The following RASGRF2 variants were observed in gnomAD, a reference collection of about 807,000 sequenced individuals.
The protein encoded by RASGRF2 is ras-specific guanine nucleotide-releasing factor 2.
A neutral mutation model predicts 151.0 loss-of-function variants in RASGRF2; 76 were observed. The ratio of observed to expected loss-of-function variants is 0.50; its 90% CI spans 0.42 to 0.61. The LOEUF (loss-of-function observed/expected upper bound fraction) is 0.61. Ranked by LOEUF, RASGRF2 falls within the 20% of genes least tolerant of loss-of-function variation. RASGRF2 has a pLI of 0.00. For synonymous variants in RASGRF2, 504 were observed against 566.5 expected, an observed-to-expected ratio of 0.89 and a Z score of 1.57; for missense variants, 1,148 against 1,564.6, an observed-to-expected ratio of 0.73 and a Z score of 4.49.
At chr5:81,021,745 A>G (rs893651270) in intron 1 of RASGRF2, among the ~76,000 whole-genome samples, 2 of 152,182 alleles carry the variant, frequency 1.3e-5, no homozygotes, top group Admixed American at 6.5e-5. Flanking sequence ...ACAGTGAGTC[A>G]GTGTTCCAGG....
chr5:81,128,473 G>A (rs939397355), intron 17 of RASGRF2, among the ~76,000 whole-genome samples: 1 of 152,230 alleles, frequency 6.6e-6, no homozygotes, highest in African/African-American at 2.4e-5. Context: ...GTGGGTTACA[G>A]CTCTGAGAAA....
At chr5:81,054,908 C>G (rs539586555) in intron 2 of RASGRF2, among the ~76,000 whole-genome samples, 2,684 of 151,968 alleles carry the variant, frequency 0.018, 58 homozygotes, top group African/African-American at 0.06. Context: ...GGAGTTCACT[C>G]ATGATTTGGC....
intron 5 of RASGRF2, among the ~76,000 whole-genome samples, chr5:81,077,747 G>A (rs1419102569): frequency 1.3e-5 from 2 of 152,186 alleles, no homozygotes; most frequent in African/African-American, 4.8e-5. Context: ...CTCTGATAAT[G>A]AGAGGAACTG....
chr5:81,037,795 A>T (rs892115033), intron 1 of RASGRF2, among the ~76,000 whole-genome samples: 1 of 152,202 alleles, frequency 6.6e-6, no homozygotes, highest in Non-Finnish European at 1.5e-5. Flanking sequence ...AAGAAGAAAA[A>T]TTCAGTTGAA....
intron 4 of RASGRF2, among the ~76,000 whole-genome samples, chr5:81,072,731 G>A (rs893310212): frequency 1.3e-5 from 2 of 152,098 alleles, no homozygotes; most frequent in Admixed American, 6.5e-5. Flanking sequence ...AGAGAAACAC[G>A]AGATGGGGTC....
At chr5:81,027,103 T>C (rs1750062950) in intron 1 of RASGRF2, among the ~76,000 whole-genome samples, 1 of 152,196 alleles carries the variant, frequency 6.6e-6, no homozygotes, top group Admixed American at 6.5e-5. Flanking sequence ...TTCAGTATAT[T>C]AGCCAGCTTG....
At position 81,123,772 on chromosome 5, in the gene RASGRF2, G is replaced by A. The variant is rs753458217; in HGVS notation, c.2596+5G>A. The A allele has an allele frequency of 6.2e-7, 1 of 1,610,676 alleles. No homozygotes were observed. Among genetic ancestry groups the A allele is most frequent in the South Asian group, 1.1e-5 (1 of 90,362 alleles). On this transcript the variant is annotated splice_donor_5th_base_variant and intron_variant, in intron 16 of 26. Coordinates refer to ENST00000265080, the MANE Select transcript of RASGRF2 (RefSeq NM_006909.3). ...TCCGCTATCGACAGCCTGGAGGTAAGAGCTCAAGAGGGACTCAGAAATAGA... is the reference window on the plus strand; with the variant it reads ...TCCGCTATCGACAGCCTGGAGGTAAAAGCTCAAGAGGGACTCAGAAATAGA...
chr5:81,163,411 A>G (rs1271003127), intron 17 of RASGRF2, among the ~76,000 whole-genome samples: 1 of 152,088 alleles, frequency 6.6e-6, no homozygotes, highest in African/African-American at 2.4e-5. Context: ...ATTTTTAACC[A>G]TCTTAATTCA....
At chr5:81,116,066 CTTTTTTTTTTT>C (rs575647502) in intron 15 of RASGRF2, among the ~76,000 whole-genome samples, 52 of 49,054 alleles carry the variant, frequency 1.1e-3, no homozygotes, top group East Asian at 3.2e-3. Context: ...AATGCCATTT[CTTTTTTTTTTT>C]TTTTTTTTTT....
intron 12 of RASGRF2, among the ~76,000 whole-genome samples, chr5:81,099,449 G>A (rs1752635870): frequency 6.6e-6 from 1 of 152,096 alleles, no homozygotes; most frequent in Non-Finnish European, 1.5e-5. Flanking sequence ...ATCTTCATGC[G>A]GGAGTTTTCC....
intron 1 of RASGRF2, among the ~76,000 whole-genome samples, chr5:81,042,448 G>A (rs564670855): frequency 1.3e-5 from 2 of 152,320 alleles, no homozygotes; most frequent in African/African-American, 4.8e-5. Flanking sequence ...TTGCTTCCCA[G>A]AATGGAGAAT....
chr5:80,966,151 A>G (rs1044055336), intron 1 of RASGRF2, among the ~76,000 whole-genome samples: 2 of 151,278 alleles, frequency 1.3e-5, no homozygotes, highest in African/African-American at 4.9e-5. Flanking sequence ...CCCTTCTACT[A>G]TTTTCTACCG....
intron 1 of RASGRF2, among the ~76,000 whole-genome samples, chr5:80,992,110 G>T (rs1191011682): frequency 2.9e-5 from 2 of 68,650 alleles, no homozygotes; most frequent in African/African-American, 9.0e-5. Flanking sequence ...ACCAGAGAAG[G>T]CCCAGTGCCC....
intron 1 of RASGRF2, among the ~76,000 whole-genome samples, chr5:81,020,660 G>A (rs189161867): frequency 1.3e-5 from 2 of 152,120 alleles, no homozygotes; most frequent in Admixed American, 1.3e-4. Flanking sequence ...TTGCCAGAAG[G>A]CTCCAGGGGA....
At position 80,960,579 on chromosome 5, in the gene RASGRF2, C is replaced by T. The variant is rs1425013569; in HGVS notation, c.-160C>T. 1 of 649,826 alleles carries T rather than the reference C, an allele frequency of 1.5e-6. No individual in the cohort carries two copies. Among genetic ancestry groups the T allele is most frequent in the Non-Finnish European group, 2.1e-6 (1 of 465,308 alleles). The allele number at this position is 649,826 out of a possible 1,614,324, so 40.3% of individuals were successfully genotyped here. A position where few individuals can be genotyped will look rare whatever the true frequency, so the allele number is the denominator to read the frequency against. ...CCCCTGCCACCGCGCGCCGCGGCCT[C>T]CCGAAAGCGGGCGGGGTGCCCTGCG... On this transcript the variant is annotated 5_prime_UTR_variant, in exon 1 of 27. Transcript: ENST00000265080. This position sits in a 1 kb window ranked among gnomAD's most constrained non-coding sequence, Gnocchi z 5.5.
In RASGRF2 at chr5:81,013,345, T is replaced by C. The variant is rs528291603; in HGVS notation, c.289-29532T>C. Reference sequence around the variant, plus strand: ...ATCCTCTCTGCGATTCCCACCTTTTTCCATACTTTCTCCCTTAATTTCTGT... The same window carrying C: ...ATCCTCTCTGCGATTCCCACCTTTTCCCATACTTTCTCCCTTAATTTCTGT... On this transcript the variant is annotated intron_variant, in intron 1 of 26. Transcript: ENST00000265080. Among the ~76,000 whole-genome samples, 606 of 152,306 alleles carry C rather than the reference T, an allele frequency of 4.0e-3. 2 individuals are homozygous for C. Among genetic ancestry groups the C allele is most frequent in the South Asian group, 0.02 (97 of 4,824 alleles).
chr5:81,104,107 G>A (rs252581), intron 12 of RASGRF2, among the ~76,000 whole-genome samples: 122,934 of 152,020 alleles, frequency 0.81, 50,324 homozygotes, highest in Middle Eastern at 0.91. Flanking sequence ...CCAGAGTAGA[G>A]AGAGTATTGG....
chr5:81,078,396 C>T (rs921873581), intron 5 of RASGRF2, among the ~76,000 whole-genome samples: 1 of 152,184 alleles, frequency 6.6e-6, no homozygotes, highest in Non-Finnish European at 1.5e-5. Flanking sequence ...TCATCCTTTC[C>T]TTCCCCACTA....
At chr5:81,068,513 A>G (rs1053733966) in intron 3 of RASGRF2, among the ~76,000 whole-genome samples, 8 of 152,008 alleles carry the variant, frequency 5.3e-5, no homozygotes, top group African/African-American at 1.7e-4. Context: ...AATGATAATT[A>G]TGAGTCTGCC....
Sources: gnomAD v4.1 joint callset for allele counts (sites outside exome capture counted in the v4.1 genomes callset) on GRCh38, gnomAD v4.1.1 for gene constraint, Gnocchi (gnomAD v3.1) non-coding constraint, MANE v1.5 for transcripts, NCBI Gene and HGNC (gene_info 2026-07-23, HGNC 2026-07-21) for gene names.